The following HMGCLL1 variants were observed in gnomAD, a reference collection of about 807,000 sequenced individuals.
HMGCLL1 encodes the protein 3-hydroxymethyl-3-methylglutaryl-CoA lyase, cytoplasmic.
Under a neutral mutation model 39.1 loss-of-function variants are expected in HMGCLL1, and 36 were observed. The ratio of observed to expected loss-of-function variants is 0.92; its 90% CI spans 0.71 to 1.22. HMGCLL1 has a LOEUF of 1.22. Among genes scored for constraint, HMGCLL1 ranks in the 50% most tolerant of loss-of-function variants. The pLI, the probability that HMGCLL1 is intolerant of heterozygous loss-of-function variation, is 0.00. For missense variants in HMGCLL1, 451 were observed against 416.5 expected (o/e 1.08, Z -0.72); for synonymous variants, 149 against 144.0 (o/e 1.03, Z -0.25).
rs896718116 is a variant in HMGCLL1, at chr6:55,439,544, C to T, written c.811G>A (p.Val271Met). The T allele has an allele frequency of 5.0e-6, 8 of 1,612,468 alleles. No individual in the cohort carries two copies. In the African/African-American group the frequency reaches 1.1e-4, roughly 22 times the overall value. ...LTALQMGINV[V>M]DSAVSGLGGC... ...CCTAATCCGGATACTGCGGAGTCCA[C>T]CACATTAATTCCCATCTGGAAAACA... is the stretch of plus-strand genomic sequence containing the variant. The change falls in exon 8 of 9, where the codon GTG (valine) becomes ATG (methionine). Residue 271 changes from valine (V) to methionine (M), a missense_variant. Coordinates refer to ENST00000274901, the MANE Select transcript of HMGCLL1 (RefSeq NM_001042406.2).
intron 4 of HMGCLL1, among the ~76,000 whole-genome samples, chr6:55,514,634 A>G (rs1396368399): frequency 6.6e-6 from 1 of 151,886 alleles, no homozygotes; most frequent in Non-Finnish European, 1.5e-5. Context: ...ACAGAAAAAT[A>G]TTTTTCCAAT....
At chr6:55,582,913 T>C (rs1772009791), upstream of HMGCLL1, among the ~76,000 whole-genome samples, 1 of 152,084 alleles carries the variant, frequency 6.6e-6, no homozygotes, top group African/African-American at 2.4e-5. Context: ...TCAAAATCAT[T>C]TCTTATAATA....
intron 7 of HMGCLL1, among the ~76,000 whole-genome samples, chr6:55,493,980 C>T (rs554940994): frequency 5.9e-5 from 9 of 151,990 alleles, no homozygotes; most frequent in Non-Finnish European, 1.3e-4. Flanking sequence ...CGTCGTGATC[C>T]GCCCACCTCA....
chr6:55,499,993 C>A lies in HMGCLL1; in HGVS notation c.543-694G>T, dbSNP rs534987116. Among the ~76,000 whole-genome samples the A allele has an allele frequency of 2.6e-5, 4 of 152,098 alleles. No homozygotes were observed. The South Asian group carries it at 8.3e-4, about 32-fold the overall frequency. The stretch of plus-strand genomic sequence containing the variant: ...TTAAATAATTAAGCTTTAGGAAAAG[C>A]CTGCTTTAGCTATTTCCAGCTCAAC... On this transcript the variant is annotated intron_variant, in intron 5 of 8. Transcript: ENST00000274901.
At chr6:55,543,085 A>C in intron 1 of HMGCLL1, among the ~76,000 whole-genome samples, 1 of 32,994 alleles carries the variant, frequency 3.0e-5, no homozygotes, top group African/African-American at 1.1e-4. Context: ...TACAGGTGTG[A>C]TATATATAAT....
At chr6:55,500,436 A>G (rs182171411) in intron 5 of HMGCLL1, among the ~76,000 whole-genome samples, 114 of 152,120 alleles carry the variant, frequency 7.5e-4, no homozygotes, top group Admixed American at 8.5e-4. Context: ...GAAATTCCTA[A>G]CAGTCTTTGG....
the HMGCLL1 span, among the ~76,000 whole-genome samples, chr6:55,678,621 G>C: frequency 6.6e-6 from 1 of 152,036 alleles, no homozygotes; most frequent in Admixed American, 6.6e-5. Flanking sequence ...TAGCTCAGCA[G>C]TTAGTTAAAA....
chr6:55,646,675 T>C, the HMGCLL1 span, among the ~76,000 whole-genome samples: 3 of 152,066 alleles, frequency 2.0e-5, no homozygotes. Flanking sequence ...GATTATATTG[T>C]TTAATTTCCA....
upstream of HMGCLL1, among the ~76,000 whole-genome samples, chr6:55,580,447 G>T (rs546274630): frequency 9.2e-6 from 1 of 108,342 alleles, no homozygotes; most frequent in South Asian, 3.1e-4. Flanking sequence ...ACGGAGTCTC[G>T]CTCTGTCGCC....
chr6:55,675,985 A>G, the HMGCLL1 span, among the ~76,000 whole-genome samples: 7 of 152,180 alleles, frequency 4.6e-5, no homozygotes, highest in Admixed American at 6.5e-5. Flanking sequence ...CAATGCTTGA[A>G]ATCAAGAATT....
At chr6:55,582,967 T>C (rs1386898364), upstream of HMGCLL1, among the ~76,000 whole-genome samples, 24 of 152,038 alleles carry the variant, frequency 1.6e-4, no homozygotes, top group Admixed American at 1.6e-3. Context: ...GAGAGAAAAG[T>C]AGGTAGCTAG....
At chr6:55,662,413 A>G in the HMGCLL1 span, among the ~76,000 whole-genome samples, 2 of 151,874 alleles carry the variant, frequency 1.3e-5, no homozygotes, top group Admixed American at 6.6e-5. Context: ...ATTTCACTGA[A>G]AGTCTTTTCT....
At chr6:55,646,486 T>C in the HMGCLL1 span, among the ~76,000 whole-genome samples, 1 of 151,878 alleles carries the variant, frequency 6.6e-6, no homozygotes, top group African/African-American at 2.4e-5. Context: ...TATTAGGTTC[T>C]TCTTTAGTGG....
chr6:55,445,312 A>G (rs541804627), intron 7 of HMGCLL1, among the ~76,000 whole-genome samples: 2 of 152,088 alleles, frequency 1.3e-5, no homozygotes, highest in South Asian at 4.2e-4. Context: ...TCTAGTCATA[A>G]TCTTCTAAGA....
the HMGCLL1 span, among the ~76,000 whole-genome samples, chr6:55,650,133 AT>A: frequency 4.5e-5 from 3 of 67,236 alleles, no homozygotes; most frequent in South Asian, 4.7e-4. Context: ...ATATATATAT[AT>A]ACACACACAC....
the HMGCLL1 span, among the ~76,000 whole-genome samples, chr6:55,638,873 A>G: frequency 6.6e-6 from 1 of 152,186 alleles, no homozygotes; most frequent in African/African-American, 2.4e-5. Flanking sequence ...TAAAGCCAAG[A>G]GTATAATAAA....
At chr6:55,651,030 T>A in the HMGCLL1 span, among the ~76,000 whole-genome samples, 23 of 152,014 alleles carry the variant, frequency 1.5e-4, no homozygotes, top group East Asian at 4.5e-3. Context: ...TGTTGGTCTA[T>A]CCTGCTGTGG....
the HMGCLL1 span, among the ~76,000 whole-genome samples, chr6:55,585,380 G>A: frequency 1.3e-5 from 2 of 152,006 alleles, no homozygotes. Flanking sequence ...TTTGTTAGAT[G>A]GTTGAAATCC....
intron 3 of HMGCLL1, among the ~76,000 whole-genome samples, chr6:55,526,243 A>C (rs2127445311): frequency 6.6e-6 from 1 of 152,054 alleles, no homozygotes; most frequent in East Asian, 1.9e-4. Context: ...CCACTATTTC[A>C]GGTCTCTGAT....
Sources: allele counts gnomAD v4.1 joint callset (sites outside exome capture counted in the v4.1 genomes callset), GRCh38; gene constraint gnomAD v4.1.1; transcripts MANE v1.5; gene names NCBI Gene and HGNC (gene_info 2026-07-23, HGNC 2026-07-21).